Variants in SRGAP2 observed in about 807,000 individuals in gnomAD.
SRGAP2 encodes the protein SLIT-ROBO Rho GTPase activating protein 2.
A neutral mutation model predicts 57.2 loss-of-function variants in SRGAP2; 15 were observed. The observed-to-expected ratio is 0.26, with a 90% CI of 0.18 to 0.40. SRGAP2 has a LOEUF of 0.40. SRGAP2 is among the 10% of genes least tolerant of loss of function. The probability of loss-of-function intolerance (pLI) is 1.00; values close to 1 mark genes in which losing one functional copy is unlikely to be tolerated. For synonymous variants in SRGAP2, 249 were observed against 248.0 expected (o/e 1.00, Z -0.04); for missense variants, 520 against 669.6 (o/e 0.78, Z 2.47).
In SRGAP2 at chr1:206,454,568, G is replaced by A. The variant is rs1268612742; in HGVS notation, c.2361-310G>A. The A allele has an allele frequency of 2.2e-5, 9 of 409,740 alleles. No homozygotes were observed. The East Asian group carries it at 2.6e-4, about 12-fold the overall frequency. The allele number at this position is 409,740 out of a possible 1,614,324, so 25.4% of individuals were successfully genotyped here. On this transcript the variant is annotated intron_variant, in intron 20 of 22. Coordinates refer to ENST00000573034, the MANE Select transcript of SRGAP2 (RefSeq NM_015326.5). This position sits in a 1 kb window ranked among gnomAD's most constrained non-coding sequence, Gnocchi z 4.3. ...CTTCTCCAGGAGGCCGCCCCAGCACGGCCTCCCCAGGAAGCAGCATGGGGT... is the reference window on the plus strand; with the variant it reads ...CTTCTCCAGGAGGCCGCCCCAGCACAGCCTCCCCAGGAAGCAGCATGGGGT...
At chr1:206,446,905 A>C (rs1662804772) in intron 18 of SRGAP2, among the ~76,000 whole-genome samples, 1 of 152,184 alleles carries the variant, frequency 6.6e-6, no homozygotes, top group Admixed American at 6.5e-5. Flanking sequence ...ATCTAAAAGG[A>C]ATCCCTGGGA....
chr1:206,353,241 A>G (rs1226822691), intron 4 of SRGAP2, among the ~76,000 whole-genome samples: 3 of 152,104 alleles, frequency 2.0e-5, no homozygotes, highest in Non-Finnish European at 2.9e-5. Context: ...TTGCTTTGTT[A>G]TCAATTGCAT....
chr1:206,450,612 C>T (rs1553375545), intron 19 of SRGAP2, 147 bp downstream of exon 19: 6 of 609,756 alleles, frequency 9.8e-6, no homozygotes, highest in South Asian at 1.9e-5. Flanking sequence ...TCATTCCCTT[C>T]CTTCCTTGGA....
chr1:206,415,880 C>G lies in SRGAP2; in HGVS notation c.1357-9C>G, dbSNP rs1553361687. ...TCTGATTGCTCTTTTTCCTCCTCCT[C>G]TCTTACAGAAAATGAAAGAGTACCT... On this transcript the variant is annotated splice_polypyrimidine_tract_variant and intron_variant, in intron 10 of 22. Coordinates refer to ENST00000573034, the MANE Select transcript of SRGAP2 (RefSeq NM_015326.5). The G allele has an allele frequency of 3.9e-6, 3 of 777,740 alleles. No homozygotes were observed. The highest frequency in any genetic ancestry group is 1.7e-5 in the Admixed American group (1 of 58,606). The allele number at this position is 777,740 out of a possible 1,614,324, so 48.2% of individuals were successfully genotyped here.
At chr1:206,268,082 T>TATATATA (rs1491431949) in intron 2 of SRGAP2, among the ~76,000 whole-genome samples, 9 of 130,402 alleles carry the variant, frequency 6.9e-5, no homozygotes, top group African/African-American at 2.3e-4. Context: ...TATATATATA[T>TATATATA]TTTTTTTTTT....
intron 2 of SRGAP2, among the ~76,000 whole-genome samples, chr1:206,268,090 T>C (rs1275888144): frequency 6.6e-6 from 1 of 151,268 alleles, no homozygotes; most frequent in Non-Finnish European, 1.5e-5. Context: ...TATTTTTTTT[T>C]TTTTTTAAAT....
intron 3 of SRGAP2, among the ~76,000 whole-genome samples, chr1:206,333,671 C>A (rs1489857281): frequency 6.6e-6 from 1 of 152,142 alleles, no homozygotes; most frequent in Non-Finnish European, 1.5e-5. Context: ...GGAGTACAGG[C>A]ACGTGTCACC....
Position 206,463,745 on chromosome 1 carries a change from C to T in SRGAP2, c.*2325C>T, listed in dbSNP as rs1202133819. On this transcript the variant is annotated 3_prime_UTR_variant, in exon 23 of 23. Coordinates refer to ENST00000573034, the MANE Select transcript of SRGAP2 (RefSeq NM_015326.5). ...TCCCCATCTCTGGTGCTCCTAACAC[C>T]TGTGAGATGGTCCTGTCGAGAGGAC... 1 of 152,630 alleles carries T rather than the reference C, an allele frequency of 6.6e-6. No individual in the cohort carries two copies. Among genetic ancestry groups the T allele is most frequent in the Non-Finnish European group, 1.5e-5 (1 of 68,054 alleles). 9.5% of individuals were successfully genotyped at this position (152,630 alleles called of 1,614,324 possible). A position where few individuals can be genotyped will look rare whatever the true frequency, so the allele number is the denominator to read the frequency against.
intron 2 of SRGAP2, among the ~76,000 whole-genome samples, chr1:206,245,597 G>A (rs201913654): frequency 0.07 from 10,480 of 149,502 alleles, 562 homozygotes; most frequent in South Asian, 0.24. Context: ...CAGCAGGGAG[G>A]CTGGTCAGGG....
chr1:206,206,294 C>T lies in SRGAP2; in HGVS notation c.67+257C>T, dbSNP rs568466874. 1.9e-4 allele frequency: 91 copies of T among 468,778 alleles called. 1 individual carries two copies. The highest frequency in any genetic ancestry group is 6.0e-4 in the Middle Eastern group (1 of 1,678). 29.0% of individuals were successfully genotyped at this position (468,778 alleles called of 1,614,324 possible). On this transcript the variant is annotated intron_variant, in intron 2 of 22. Transcript: ENST00000573034. ...CTGACCATGATTTTGGCAGCCCTTT[C>T]CCCCCCAAGCCGGACAGGGTGGGGG...
chr1:206,375,409 A>T (rs1188366669), intron 4 of SRGAP2, among the ~76,000 whole-genome samples: 8 of 152,028 alleles, frequency 5.3e-5, no homozygotes, highest in African/African-American at 1.9e-4. Flanking sequence ...CTTTGGCATG[A>T]GAGATCAGGG....
intron 2 of SRGAP2, among the ~76,000 whole-genome samples, chr1:206,280,156 C>T (rs1670649750): frequency 6.6e-6 from 1 of 150,766 alleles, no homozygotes; most frequent in Admixed American, 6.6e-5. Flanking sequence ...TATGTTGCCC[C>T]AGCTGGTCTC....
intron 2 of SRGAP2, chr1:206,207,581 T>C (rs1666030209): frequency 1.3e-5 from 2 of 151,992 alleles, no homozygotes; most frequent in East Asian, 3.9e-4. Context: ...ATGCATTGCA[T>C]TTGCTCTTGG....
intron 4 of SRGAP2, among the ~76,000 whole-genome samples, chr1:206,346,684 C>CT (rs1173099713): frequency 6.6e-6 from 1 of 152,078 alleles, no homozygotes; most frequent in Non-Finnish European, 1.5e-5. Context: ...TGTGGTATGG[C>CT]TGTACACACC....
At chr1:206,398,269 C>A (rs1328959937) in intron 7 of SRGAP2, among the ~76,000 whole-genome samples, 13 of 152,180 alleles carry the variant, frequency 8.5e-5, no homozygotes, top group South Asian at 2.1e-4. Context: ...ATTTACCTAA[C>A]CTTGCCAGAT....
intron 2 of SRGAP2, among the ~76,000 whole-genome samples, chr1:206,295,328 A>G (rs1380099022): frequency 2.0e-5 from 3 of 151,980 alleles, no homozygotes; most frequent in African/African-American, 7.3e-5. Context: ...GGTTCAAGCG[A>G]TTCTCCTGCC....
intron 3 of SRGAP2, among the ~76,000 whole-genome samples, chr1:206,332,711 T>C (rs1353186918): frequency 2.0e-5 from 3 of 149,456 alleles, no homozygotes; most frequent in African/African-American, 7.7e-5. Context: ...TACATTCTTC[T>C]AAATTTTTTT....
chr1:206,427,757 C>T lies in SRGAP2; in HGVS notation c.1495-2405C>T, dbSNP rs574949198. On this transcript the variant is annotated intron_variant, in intron 13 of 22. Coordinates refer to ENST00000573034, the MANE Select transcript of SRGAP2 (RefSeq NM_015326.5). ...TTTCTAGTTAAGTTCGGTCCCCTCT[C>T]CCTGATCTCTTTCTTCCACACAGCT... is the stretch of plus-strand genomic sequence containing the variant. Among the ~76,000 whole-genome samples the T allele has an allele frequency of 5.3e-5, 8 of 152,310 alleles. No individual in the cohort carries two copies. In the South Asian group the frequency reaches 1.7e-3, roughly 32 times the overall value.
At chr1:206,421,659 C>T (rs12072062) in intron 13 of SRGAP2, among the ~76,000 whole-genome samples, 7,320 of 152,278 alleles carry the variant, frequency 0.048, 445 homozygotes, top group African/African-American at 0.13. Flanking sequence ...CAGACAATCT[C>T]GCTTTAAGTT....
Sources: gnomAD v4.1 joint callset for allele counts (sites outside exome capture counted in the v4.1 genomes callset) on GRCh38, gnomAD v4.1.1 for gene constraint, Gnocchi (gnomAD v3.1) non-coding constraint, MANE v1.5 for transcripts, NCBI Gene and HGNC (gene_info 2026-07-23, HGNC 2026-07-21) for gene names.